CHP1: variants seen among roughly 807,000 people sequenced by gnomAD.
CHP1 encodes calcineurin B homologous protein 1.
In CHP1, 11 loss-of-function variants were observed where a neutral mutation model predicts 27.4. The observed-to-expected ratio is 0.40, with a 90% CI of 0.25 to 0.67. CHP1 has a LOEUF of 0.67. Ranked by LOEUF, CHP1 falls within the 30% of genes least tolerant of loss-of-function variation. The pLI is 0.38. For synonymous variants in CHP1, 89 were observed against 87.4 expected (o/e 1.02, Z -0.10); for missense variants, 169 against 251.3 (o/e 0.67, Z 2.22).
chr15:41,265,312 C>T (rs1367079398), intron 4 of CHP1, among the ~76,000 whole-genome samples: 4 of 130,516 alleles, frequency 3.1e-5, no homozygotes, highest in African/African-American at 8.9e-5. Context: ...TACAGTGAGC[C>T]GAGATCATGC....
At chr15:41,253,957 T>G (rs919836778) in intron 2 of CHP1, among the ~76,000 whole-genome samples, 2 of 151,568 alleles carry the variant, frequency 1.3e-5, no homozygotes, top group Non-Finnish European at 2.9e-5. Flanking sequence ...GCTAATTTTT[T>G]TTTTTTTTTT....
intron 4 of CHP1, among the ~76,000 whole-genome samples, chr15:41,269,457 C>T (rs2047478105): frequency 6.6e-6 from 1 of 152,164 alleles, no homozygotes; most frequent in Non-Finnish European, 1.5e-5. Flanking sequence ...AATAATCGCT[C>T]TGCCTGGAAT....
At chr15:41,256,751 T>G in intron 2 of CHP1, 159 bp from the exon 3 acceptor site, 1 of 644,394 alleles carries the variant, frequency 1.6e-6, no homozygotes. Context: ...TTGGCAGCTA[T>G]TAAAGTGCTA....
rs76793351 is a variant in CHP1 at position 41,259,383 on chromosome 15, A to G, written c.221+2393A>G. ...ATCTACTGCTAAGGAAATGGGACAG[A>G]GTGCATATGAGGAAGTGGAGGGCTC... On this transcript the variant is annotated intron_variant, in intron 3 of 6. Coordinates refer to ENST00000334660, the MANE Select transcript of CHP1 (RefSeq NM_007236.5). 2.3e-3 allele frequency among the ~76,000 whole-genome samples: 354 copies of G among 152,310 alleles called. 1 individual carries two copies. The highest frequency in any genetic ancestry group is 0.01 in the Middle Eastern group (3 of 294).
intron 4 of CHP1, chr15:41,264,303 G>C: frequency 2.4e-6 from 2 of 840,066 alleles, no homozygotes; most frequent in Non-Finnish European, 3.2e-6. Flanking sequence ...AGGAGATTAG[G>C]CTAATGAGAT....
At chr15:41,261,702 CA>C (rs2047433736) in intron 3 of CHP1, among the ~76,000 whole-genome samples, 1 of 151,556 alleles carries the variant, frequency 6.6e-6, no homozygotes, top group South Asian at 2.1e-4. Context: ...ACTAAAAATA[CA>C]AAAAATTAGG....
At chr15:41,250,012 T>A (rs2047357219) in intron 2 of CHP1, among the ~76,000 whole-genome samples, 1 of 151,450 alleles carries the variant, frequency 6.6e-6, no homozygotes, top group East Asian at 1.9e-4. Context: ...TGGAGCTTCT[T>A]CAGAGTGCTT....
chr15:41,238,615 T>G (rs928412866), intron 1 of CHP1, among the ~76,000 whole-genome samples: 3 of 149,682 alleles, frequency 2.0e-5, no homozygotes, highest in Admixed American at 6.7e-5. Flanking sequence ...CTGAGGCGGG[T>G]GGATCACGAG....
chr15:41,278,944 G>A (rs934608845), intron 6 of CHP1, 55 bp downstream of exon 6: 3 of 1,605,748 alleles, frequency 1.9e-6, no homozygotes, highest in Non-Finnish European at 2.6e-6. Context: ...TGGGCGCGGT[G>A]GCTTACGCCT....
intron 1 of CHP1, among the ~76,000 whole-genome samples, chr15:41,239,978 G>A (rs868438943): frequency 3.3e-5 from 5 of 151,560 alleles, no homozygotes; most frequent in South Asian, 4.2e-4. Flanking sequence ...GGGTTTCACC[G>A]TGTTAGCCAG....
At chr15:41,244,947 A>G (rs2047326384) in intron 2 of CHP1, among the ~76,000 whole-genome samples, 1 of 152,158 alleles carries the variant, frequency 6.6e-6, no homozygotes, top group East Asian at 1.9e-4. Flanking sequence ...TTTCTAGCAC[A>G]GGTGTTGGAT....
At chr15:41,246,998 G>A (rs1361788247) in intron 2 of CHP1, among the ~76,000 whole-genome samples, 8 of 141,842 alleles carry the variant, frequency 5.6e-5, no homozygotes, top group Non-Finnish European at 1.2e-4. Flanking sequence ...ATGGGCTACA[G>A]AGCGAGACTC....
chr15:41,277,537 C>T (rs2047525105), intron 5 of CHP1, among the ~76,000 whole-genome samples: 1 of 152,154 alleles, frequency 6.6e-6, no homozygotes, highest in African/African-American at 2.4e-5. Flanking sequence ...CACTTGTAAT[C>T]TCAGCACTTT....
At chr15:41,274,278 C>T (rs1366104970) in intron 5 of CHP1, among the ~76,000 whole-genome samples, 1 of 152,030 alleles carries the variant, frequency 6.6e-6, no homozygotes, top group East Asian at 1.9e-4. Flanking sequence ...TTGACTGGAA[C>T]AATAAGTGGC....
At chr15:41,269,945 C>A (rs935646281) in intron 4 of CHP1, among the ~76,000 whole-genome samples, 4 of 152,122 alleles carry the variant, frequency 2.6e-5, no homozygotes, top group Non-Finnish European at 5.9e-5. Flanking sequence ...CTTTCTGATT[C>A]CTATCTCATG....
In CHP1 at chr15:41,281,663, G is replaced by A. The variant is rs1313163794; in HGVS notation, c.*2274G>A. 1 of 152,626 alleles carries A rather than the reference G, an allele frequency of 6.6e-6. No homozygotes were observed. Among genetic ancestry groups the A allele is most frequent in the African/African-American group, 2.4e-5 (1 of 41,440 alleles). The allele number at this position is 152,626 out of a possible 1,614,324, so 9.5% of individuals were successfully genotyped here. A position where few individuals can be genotyped will look rare whatever the true frequency, so the allele number is the denominator to read the frequency against. On this transcript the variant is annotated 3_prime_UTR_variant, in exon 7 of 7. Transcript: ENST00000334660. ...TTATGAAGTATCAGTCAGATTTTAT[G>A]ATTAAGTGATGTAATATAGGAATTA...
At chr15:41,243,833 G>T (rs1486865335) in intron 2 of CHP1, 94 bp downstream of exon 2, 2 of 997,704 alleles carry the variant, frequency 2.0e-6, no homozygotes, top group Non-Finnish European at 3.0e-6. Flanking sequence ...AGACATGATA[G>T]ACATCCAGCA....
In CHP1 at chr15:41,231,370, T is replaced by G; in HGVS notation, c.-13T>G. The G allele has an allele frequency of 6.3e-7, 1 of 1,593,598 alleles. No individual in the cohort carries two copies. Among genetic ancestry groups the G allele is most frequent in the South Asian group, 1.1e-5 (1 of 87,626 alleles). On this transcript the variant is annotated 5_prime_UTR_variant, in exon 1 of 7. Coordinates refer to ENST00000334660, the MANE Select transcript of CHP1 (RefSeq NM_007236.5). The stretch of plus-strand genomic sequence containing the variant: ...CTGGCGCCGCTGCTCCCGGAGGAGC[T>G]CCCGGCACGGCGATGGGTTCTCGGG...
intron 1 of CHP1, among the ~76,000 whole-genome samples, chr15:41,239,983 A>C (rs575423099): frequency 1.4e-4 from 21 of 151,616 alleles, no homozygotes; most frequent in African/African-American, 5.1e-4. Context: ...TCACCGTGTT[A>C]GCCAGGATGG....
Sources: gnomAD v4.1 joint callset for allele counts (sites outside exome capture counted in the v4.1 genomes callset) on GRCh38, gnomAD v4.1.1 for gene constraint, MANE v1.5 for transcripts, NCBI Gene and HGNC (gene_info 2026-07-23, HGNC 2026-07-21) for gene names.